SLC39A11: variants seen among roughly 807,000 people sequenced by gnomAD.
The protein encoded by SLC39A11 is solute carrier family 39 member 11.
Under a neutral mutation model 36.1 loss-of-function variants are expected in SLC39A11, and 33 were observed. The ratio of observed to expected loss-of-function variants is 0.91; its 90% confidence interval spans 0.69 to 1.22. The LOEUF is 1.22. SLC39A11 is among the 50% of genes most tolerant of loss of function. The pLI is 0.00. For synonymous variants in SLC39A11, 166 were observed against 170.3 expected (o/e 0.97, Z 0.20); for missense variants, 432 against 430.3 (o/e 1.00, Z -0.03).
At chr17:72,724,428 G>GA (rs1208889492) in intron 7 of SLC39A11, among the ~76,000 whole-genome samples, 1 of 152,060 alleles carries the variant, frequency 6.6e-6, no homozygotes, top group East Asian at 1.9e-4. Context: ...TGGGACAAGA[G>GA]AAAAAACATC....
At chr17:73,088,895 C>G in intron 1 of SLC39A11, 120 bp from the exon 2 acceptor site, 1 of 689,990 alleles carries the variant, frequency 1.4e-6, no homozygotes, top group Non-Finnish European at 2.6e-6. Context: ...ACCGTATGCA[C>G]CCTTCCACCA....
intron 7 of SLC39A11, among the ~76,000 whole-genome samples, chr17:72,676,053 C>T (rs2071242887): frequency 7.0e-6 from 1 of 142,562 alleles, no homozygotes; most frequent in Non-Finnish European, 1.5e-5. Flanking sequence ...TGTCACTCTC[C>T]TTCAACTCAC....
intron 6 of SLC39A11, among the ~76,000 whole-genome samples, chr17:72,832,017 C>T (rs1009875690): frequency 2.6e-5 from 4 of 152,138 alleles, no homozygotes; most frequent in Non-Finnish European, 4.4e-5. Context: ...GGGGAAGTTA[C>T]CATGCTCTAG....
chr17:72,710,602 C>CCT (rs1412334142), intron 7 of SLC39A11, among the ~76,000 whole-genome samples: 2 of 152,186 alleles, frequency 1.3e-5, no homozygotes, highest in Non-Finnish European at 1.5e-5. Flanking sequence ...GACTTTACAG[C>CCT]CTCTAGAACT....
At chr17:72,852,228 A>AAAAAAAAAAC (rs1491123331) in intron 5 of SLC39A11, among the ~76,000 whole-genome samples, 24 of 134,890 alleles carry the variant, frequency 1.8e-4, no homozygotes, top group Non-Finnish European at 2.6e-4. Flanking sequence ...AAAAAAAAAA[A>AAAAAAAAAAC]CAGAAAGAAA....
intron 5 of SLC39A11, among the ~76,000 whole-genome samples, chr17:72,851,662 G>A (rs2079334995): frequency 6.6e-6 from 1 of 152,202 alleles, no homozygotes; most frequent in Non-Finnish European, 1.5e-5. Context: ...ACAAGCGGCT[G>A]AGCTTCAACC....
At chr17:73,073,037 G>T (rs984326112) in intron 3 of SLC39A11, among the ~76,000 whole-genome samples, 1 of 152,152 alleles carries the variant, frequency 6.6e-6, no homozygotes, top group African/African-American at 2.4e-5. Context: ...AAAATTAGCT[G>T]GACGTGGTGG....
chr17:72,932,479 C>A (rs1405371975), intron 5 of SLC39A11, among the ~76,000 whole-genome samples: 1 of 89,722 alleles, frequency 1.1e-5, no homozygotes, highest in Non-Finnish European at 2.0e-5. Flanking sequence ...GTGTGATGTT[C>A]CCCTCCCTGT....
intron 4 of SLC39A11, among the ~76,000 whole-genome samples, chr17:72,979,678 G>A (rs1273437744): frequency 6.6e-6 from 1 of 152,134 alleles, no homozygotes; most frequent in South Asian, 2.1e-4. Context: ...TGAGCTGCAA[G>A]GAGGCTGCTC....
intron 6 of SLC39A11, among the ~76,000 whole-genome samples, chr17:72,827,893 A>G (rs1215107625): frequency 6.6e-6 from 1 of 152,240 alleles, no homozygotes; most frequent in Admixed American, 6.5e-5. Flanking sequence ...CCAAGTCCAT[A>G]GAAGAGAGAA....
At chr17:72,734,423 G>A (rs2074341966) in intron 7 of SLC39A11, among the ~76,000 whole-genome samples, 1 of 152,072 alleles carries the variant, frequency 6.6e-6, no homozygotes, top group African/African-American at 2.4e-5. Context: ...CTGCCCCTCA[G>A]GCTGTGACAA....
At chr17:72,903,116 A>G (rs374334406) in intron 5 of SLC39A11, among the ~76,000 whole-genome samples, 1 of 152,072 alleles carries the variant, frequency 6.6e-6, no homozygotes. Context: ...AATACAAAAA[A>G]TTAGCAGGGC....
chr17:72,842,112 G>A (rs940710861), intron 6 of SLC39A11, among the ~76,000 whole-genome samples: 16 of 147,432 alleles, frequency 1.1e-4, no homozygotes, highest in South Asian at 2.1e-4. Context: ...GCACGCACGC[G>A]CATATGTATT....
At chr17:72,788,154 G>C (rs2076580372) in intron 6 of SLC39A11, among the ~76,000 whole-genome samples, 1 of 151,980 alleles carries the variant, frequency 6.6e-6, no homozygotes, top group African/African-American at 2.4e-5. Context: ...TCATCCCCTG[G>C]GTCCTAGGCC....
intron 5 of SLC39A11, among the ~76,000 whole-genome samples, chr17:72,907,972 A>C (rs2082750182): frequency 6.6e-6 from 1 of 152,180 alleles, no homozygotes; most frequent in African/African-American, 2.4e-5. Context: ...GGCACAGAGG[A>C]GAGGACAGAT....
At chr17:73,013,391 G>C (rs1372190881) in intron 4 of SLC39A11, among the ~76,000 whole-genome samples, 1 of 152,234 alleles carries the variant, frequency 6.6e-6, no homozygotes, top group Non-Finnish European at 1.5e-5. Flanking sequence ...CTTGGCCCTG[G>C]TGTTTAGCTT....
intron 6 of SLC39A11, among the ~76,000 whole-genome samples, chr17:72,761,452 G>C (rs1189797087): frequency 6.6e-6 from 1 of 152,204 alleles, no homozygotes; most frequent in Non-Finnish European, 1.5e-5. Context: ...AAGCATTTCA[G>C]TGCAAGAGCT....
chr17:72,941,104 T>G (rs1484717891), intron 5 of SLC39A11, among the ~76,000 whole-genome samples: 1 of 151,930 alleles, frequency 6.6e-6, no homozygotes, highest in Non-Finnish European at 1.5e-5. Flanking sequence ...AAATGCCATC[T>G]CTACAAAAAA....
At chr17:72,936,950 C>A (rs1479866074) in intron 5 of SLC39A11, among the ~76,000 whole-genome samples, 1 of 152,196 alleles carries the variant, frequency 6.6e-6, no homozygotes, top group Non-Finnish European at 1.5e-5. Flanking sequence ...CCACTCACCT[C>A]CCACTGCATA....
Sources: gnomAD v4.1 joint callset for allele counts (sites outside exome capture counted in the v4.1 genomes callset) on GRCh38, gnomAD v4.1.1 for gene constraint, MANE v1.5 for transcripts, NCBI Gene and HGNC (gene_info 2026-07-23, HGNC 2026-07-21) for gene names.